MRTFA: variants seen among roughly 807,000 people sequenced by gnomAD.
MRTFA encodes myocardin-related transcription factor A.
In MRTFA, 20 loss-of-function variants were observed where a neutral mutation model predicts 83.5. The ratio of observed to expected loss-of-function variants is 0.24; its 90% CI spans 0.17 to 0.35. MRTFA has a LOEUF of 0.35. Ranked by LOEUF, MRTFA falls within the 10% of genes least tolerant of loss-of-function variation. The pLI, the probability that MRTFA is intolerant of heterozygous loss-of-function variation, is 1.00. For synonymous variants in MRTFA, 659 were observed against 541.2 expected (o/e 1.22, Z -3.02); for missense variants, 1,200 against 1,224.7 (o/e 0.98, Z 0.30).
At chr22:40,580,033 G>C (rs1350824577) in intron 2 of MRTFA, among the ~76,000 whole-genome samples, 1 of 152,098 alleles carries the variant, frequency 6.6e-6, no homozygotes, top group Admixed American at 6.5e-5. Context: ...GACAAGTGGT[G>C]ATTTTATAAT....
In MRTFA at chr22:40,411,294, TCA is replaced by T; in HGVS notation, c.*94_*95del. The T allele has an allele frequency of 2.2e-6, 3 of 1,334,568 alleles. No individual in the cohort carries two copies. The South Asian group carries it at 4.5e-5, about 20-fold the overall frequency. The allele number at this position is 1,334,568 out of a possible 1,614,324, so 82.7% of individuals were successfully genotyped here. On this transcript the variant is annotated 3_prime_UTR_variant, in exon 15 of 15. Coordinates refer to ENST00000355630, the MANE Select transcript of MRTFA (RefSeq NM_020831.6). ...AAGCAGGGGCTGTGATTGTCAAGAC[TCA>T]CAACCATGTGGAGAGGCCGAATCAC...
chr22:40,580,114 T>C (rs2055924954), intron 2 of MRTFA, among the ~76,000 whole-genome samples: 2 of 152,208 alleles, frequency 1.3e-5, no homozygotes, highest in African/African-American at 4.8e-5. Flanking sequence ...TTAGGATGAA[T>C]CATTTTTAGG....
Position 40,424,248 on chromosome 22 carries a change from G to T in MRTFA, c.735C>A (p.Val245=), listed in dbSNP as rs774743077. Residue 245 remains valine, a synonymous_variant, in exon 8 of 15, where the codon GTC becomes GTA. Transcript: ENST00000355630. ...AGGTGGCACTGAGCAGTGGTTCGCT[G>T]ACTCGGGCCTCCAGGGGTGACGGCA... 3 of 1,607,224 alleles carry T rather than the reference G, an allele frequency of 1.9e-6. No individual in the cohort carries two copies. The highest frequency in any genetic ancestry group is 2.5e-6 in the Non-Finnish European group (3 of 1,177,810).
At chr22:40,503,345 G>C (rs969569973) in intron 3 of MRTFA, among the ~76,000 whole-genome samples, 1 of 152,196 alleles carries the variant, frequency 6.6e-6, no homozygotes, top group Non-Finnish European at 1.5e-5. Context: ...GGCCAGGCAT[G>C]ATTACAGGCG....
intron 3 of MRTFA, among the ~76,000 whole-genome samples, chr22:40,544,951 T>A (rs1760667096): frequency 1.3e-5 from 2 of 149,734 alleles, no homozygotes; most frequent in African/African-American, 2.5e-5. Context: ...AATAAATAAA[T>A]AAAATAAATA....
rs2052711362 is a variant in MRTFA at position 40,417,561 on chromosome 22, G to A, written c.2365-68C>T. On this transcript the variant is annotated intron_variant, in intron 12 of 14. Transcript: ENST00000355630. ...GGGGTGCAGACCTGCCTTGTAGGGG[G>A]CGGGGGGCGGGGATAGGGCCAGGGC... 1.4e-5 allele frequency: 5 copies of A among 357,106 alleles called. 1 individual carries two copies. Among genetic ancestry groups the A allele is most frequent in the East Asian group, 8.5e-5 (1 of 11,780 alleles). 22.1% of individuals were successfully genotyped at this position (357,106 alleles called of 1,614,324 possible). A position where few individuals can be genotyped will look rare whatever the true frequency, so the allele number is the denominator to read the frequency against.
At chr22:40,566,087 G>C (rs2055699239) in intron 2 of MRTFA, among the ~76,000 whole-genome samples, 1 of 152,164 alleles carries the variant, frequency 6.6e-6, no homozygotes, top group South Asian at 2.1e-4. Context: ...AAAGCCATGA[G>C]GCAGGAATGA....
chr22:40,559,800 T>C (rs1014686650), intron 2 of MRTFA, among the ~76,000 whole-genome samples: 1 of 152,232 alleles, frequency 6.6e-6, no homozygotes. Flanking sequence ...TATCAAATTC[T>C]ACAGACCTGA....
chr22:40,425,764 G>A (rs2052941190), intron 7 of MRTFA, among the ~76,000 whole-genome samples: 2 of 152,242 alleles, frequency 1.3e-5, no homozygotes, highest in Non-Finnish European at 2.9e-5. Context: ...ATGGCAGCCA[G>A]TACTGACAAC....
At position 40,418,874 on chromosome 22, in the gene MRTFA, C is replaced by A. The variant is rs201308820; in HGVS notation, c.1864G>T (p.Asp622Tyr). The change falls in exon 12 of 15, where the codon GAC (aspartate) becomes TAC (tyrosine). Residue 622 changes from aspartate to tyrosine, a missense_variant. Asp to Tyr is a radical substitution (Grantham distance 160). Transcript: ENST00000355630. Reference sequence around the variant, plus strand: ...TTCTCCTGCAGCATCTGGTCCTTGTCGCGCCCCTCTAGCTCCGCCCGCCCC... The same window carrying A: ...TTCTCCTGCAGCATCTGGTCCTTGTAGCGCCCCTCTAGCTCCGCCCGCCCC... The A allele has an allele frequency of 1.2e-6, 2 of 1,612,402 alleles. No homozygotes were observed. Among genetic ancestry groups the A allele is most frequent in the Non-Finnish European group, 1.7e-6 (2 of 1,179,830 alleles).
intron 3 of MRTFA, among the ~76,000 whole-genome samples, chr22:40,499,822 T>C (rs2054425473): frequency 6.6e-6 from 1 of 151,974 alleles, no homozygotes; most frequent in Non-Finnish European, 1.5e-5. Flanking sequence ...TCACCATAAA[T>C]TTCCCTTTGT....
chr22:40,509,764 G>A (rs2054636564), intron 3 of MRTFA, among the ~76,000 whole-genome samples: 1 of 152,052 alleles, frequency 6.6e-6, no homozygotes, highest in Non-Finnish European at 1.5e-5. Context: ...TGTTTGGGCA[G>A]GTCTTGCTGA....
intron 8 of MRTFA, 28 bp from the exon 9 acceptor site, chr22:40,423,713 A>G (rs373673954): frequency 6.6e-7 from 1 of 1,504,920 alleles, no homozygotes; most frequent in Non-Finnish European, 8.9e-7. Flanking sequence ...AAGTGAGGAC[A>G]TGGCCACCTC....
chr22:40,414,661 C>T (rs769980821), intron 14 of MRTFA, among the ~76,000 whole-genome samples: 1 of 152,140 alleles, frequency 6.6e-6, no homozygotes, highest in Non-Finnish European at 1.5e-5. Flanking sequence ...GAGGTCCCCA[C>T]GACAGGCAAA....
chr22:40,586,950 G>C, intron 2 of MRTFA: 1 of 446,892 alleles, frequency 2.2e-6, no homozygotes, highest in South Asian at 1.6e-5. Context: ...TGCCACCGCC[G>C]CCGCTGCCTT....
intron 14 of MRTFA, among the ~76,000 whole-genome samples, chr22:40,415,881 A>G (rs928413584): frequency 2.0e-5 from 3 of 151,014 alleles, no homozygotes; most frequent in African/African-American, 7.3e-5. Flanking sequence ...AGGACACCGC[A>G]CCCTGCCACT....
chr22:40,614,451 T>C (rs2056426213), intron 1 of MRTFA, among the ~76,000 whole-genome samples: 1 of 151,948 alleles, frequency 6.6e-6, no homozygotes, highest in Non-Finnish European at 1.5e-5. Context: ...TGCAATTATG[T>C]TGAGTATCTT....
At chr22:40,494,161 C>T (rs2054313348) in intron 3 of MRTFA, among the ~76,000 whole-genome samples, 1 of 152,054 alleles carries the variant, frequency 6.6e-6, no homozygotes, top group South Asian at 2.1e-4. Context: ...TATCTATTGG[C>T]TTAGAGAAAA....
chr22:40,570,577 C>CA (rs894548892), intron 2 of MRTFA, among the ~76,000 whole-genome samples: 1,672 of 23,000 alleles, frequency 0.073, 439 homozygotes, highest in African/African-American at 0.19. Context: ...GACTCTGTCT[C>CA]AAAAAAAAAA....
Sources: gnomAD v4.1 joint callset for allele counts (sites outside exome capture counted in the v4.1 genomes callset) on GRCh38, gnomAD v4.1.1 for gene constraint, MANE v1.5 for transcripts, NCBI Gene and HGNC (gene_info 2026-07-23, HGNC 2026-07-21) for gene names.